ZNF563: variants seen among roughly 807,000 people sequenced by gnomAD.
ZNF563 encodes zinc finger protein 563.
In ZNF563, 39 loss-of-function variants were observed where a neutral mutation model predicts 48.5. The ratio of observed to expected loss-of-function variants is 0.80; its 90% CI spans 0.62 to 1.05. The LOEUF (loss-of-function observed/expected upper bound fraction) is 1.05. Among genes scored for constraint, ZNF563 ranks in the 50% least tolerant of loss-of-function variants. The pLI is 0.00. For missense variants in ZNF563, 538 were observed against 597.0 expected, an observed-to-expected ratio of 0.90 and a Z score of 1.03; for synonymous variants, 168 against 187.9, an observed-to-expected ratio of 0.89 and a Z score of 0.87.
rs77674971 is a variant in ZNF563 at position 12,333,345 on chromosome 19, C to A, written c.3+135G>T. ...CTCTGTGGCTGAGGGGACCGAGGGTCGAGCTGCGCCAGGGGGACTCGGGTC... is the reference window on the plus strand; with the variant it reads ...CTCTGTGGCTGAGGGGACCGAGGGTAGAGCTGCGCCAGGGGGACTCGGGTC... On this transcript the variant is annotated intron_variant, in intron 1 of 3. Transcript: ENST00000293725. The A allele has an allele frequency of 2.5e-4, 305 of 1,234,222 alleles. 3 individuals are homozygous for A. In the East Asian group the frequency reaches 7.1e-3, roughly 29 times the overall value. 76.5% of individuals were successfully genotyped at this position (1,234,222 alleles called of 1,614,324 possible). A position where few individuals can be genotyped will look rare whatever the true frequency, so the allele number is the denominator to read the frequency against.
intron 1 of ZNF563, among the ~76,000 whole-genome samples, chr19:12,323,964 G>A (rs1212056305): frequency 6.6e-6 from 1 of 152,152 alleles, no homozygotes; most frequent in African/African-American, 2.4e-5. Context: ...AAGGAAAGAA[G>A]GTCAATGAGA....
upstream of ZNF563, among the ~76,000 whole-genome samples, chr19:12,335,995 A>G (rs74515670): frequency 0.049 from 7,414 of 152,280 alleles, 598 homozygotes; most frequent in African/African-American, 0.17. Flanking sequence ...AATGTTCCCC[A>G]TGGCCTCTGT....
chr19:12,330,084 C>G (rs979226953), intron 1 of ZNF563, among the ~76,000 whole-genome samples: 1 of 152,050 alleles, frequency 6.6e-6, no homozygotes, highest in Admixed American at 6.6e-5. Context: ...CTAAGCCCAG[C>G]CAATTTTTGT....
rs1476625402 is a variant in ZNF563 at position 12,317,687 on chromosome 19, T to C, written c.*907A>G. On this transcript the variant is annotated 3_prime_UTR_variant, in exon 4 of 4. Coordinates refer to ENST00000293725, the MANE Select transcript of ZNF563 (RefSeq NM_145276.3). ...AATATGTCATTTTTAAAAAAGGACTTGGCATGTGTCGATTTATGTATGCCC... is the reference window on the plus strand; with the variant it reads ...AATATGTCATTTTTAAAAAAGGACTCGGCATGTGTCGATTTATGTATGCCC... The C allele has an allele frequency of 6.6e-6, 1 of 152,212 alleles. No individual in the cohort carries two copies. Among genetic ancestry groups the C allele is most frequent in the Admixed American group, 6.5e-5 (1 of 15,276 alleles). The allele number at this position is 152,212 out of a possible 1,614,324, so 9.4% of individuals were successfully genotyped here.
At chr19:12,341,832 A>T in the ZNF563 span, among the ~76,000 whole-genome samples, 8 of 152,164 alleles carry the variant, frequency 5.3e-5, no homozygotes, top group East Asian at 1.5e-3. Context: ...AAATGAAATA[A>T]CTTCAACAAC....
In ZNF563 at chr19:12,319,528, T is replaced by C. The variant is rs1330587751; in HGVS notation, c.497A>G (p.Lys166Arg). Residue 166 changes from lysine (K) to arginine (R), a missense_variant, in exon 4 of 4, where the codon AAG (lysine) becomes AGG (arginine). Lys to Arg is a conservative substitution (Grantham distance 26). Transcript: ENST00000293725. ...ACATTCCTTACACTCATAGCGTTTC[T>C]TTCCAGTGTGAGGCCTTCCACGCGA... ...FQSRGRPHTG[K>R]KRYECKECGK... 5 of 1,614,122 alleles carry C rather than the reference T, an allele frequency of 3.1e-6. No individual in the cohort carries two copies. The highest frequency in any genetic ancestry group is 4.2e-6 in the Non-Finnish European group (5 of 1,180,050).
At chr19:12,331,750 G>A (rs1968924042) in intron 1 of ZNF563, among the ~76,000 whole-genome samples, 1 of 152,202 alleles carries the variant, frequency 6.6e-6, no homozygotes, top group Non-Finnish European at 1.5e-5. Context: ...CAAGGCTGCT[G>A]TATCCACTTG....
the ZNF563 span, among the ~76,000 whole-genome samples, chr19:12,342,968 C>A: frequency 2.0e-5 from 3 of 150,830 alleles, no homozygotes; most frequent in African/African-American, 7.3e-5. Context: ...GAGGCCGAGG[C>A]GGGTGGATCA....
chr19:12,325,060 G>A (rs1968752478), intron 1 of ZNF563: 1 of 152,140 alleles, frequency 6.6e-6, no homozygotes, highest in African/African-American at 2.4e-5. Context: ...CAGAAGGTGT[G>A]AAATAAGGCT....
At position 12,318,709 on chromosome 19, in the gene ZNF563, T is replaced by G; in HGVS notation, c.1316A>C (p.His439Pro). 3 of 1,614,238 alleles carry G rather than the reference T, an allele frequency of 1.9e-6. No homozygotes were observed. The highest frequency in any genetic ancestry group is 2.5e-6 in the Non-Finnish European group (3 of 1,180,044). The change falls in exon 4 of 4, where the codon CAT (histidine) becomes CCT (proline). Residue 439 changes from histidine (H) to proline (P), a missense_variant. Transcript: ENST00000293725. Reference protein sequence around the residue: ...ALSHSSSFRRHMVMHTGDGPN... With the variant: ...ALSHSSSFRRPMVMHTGDGPN... ...CCCATCTCCCGTATGCATTACCATA[T>G]GTCTTCGAAAGCTTGAGCTATGAGA...
chr19:12,333,556 G>T lies in ZNF563; in HGVS notation c.-74C>A. On this transcript the variant is annotated 5_prime_UTR_variant, in exon 1 of 4. Transcript: ENST00000293725. ...CAGTGCGGGTCCCACTGTGACAGAGGCTGCCACAGACGTTCCAGGGCGTCT... is the reference window on the plus strand; with the variant it reads ...CAGTGCGGGTCCCACTGTGACAGAGTCTGCCACAGACGTTCCAGGGCGTCT... 1 of 1,594,074 alleles carries T rather than the reference G, an allele frequency of 6.3e-7. No homozygotes were observed. The highest frequency in any genetic ancestry group is 8.6e-7 in the Non-Finnish European group (1 of 1,166,140).
intron 1 of ZNF563, among the ~76,000 whole-genome samples, chr19:12,331,314 G>A (rs1968910792): frequency 6.6e-6 from 1 of 152,112 alleles, no homozygotes; most frequent in South Asian, 2.1e-4. Context: ...TGTCACCTGG[G>A]ACATCCCCCA....
chr19:12,346,325 AC>A, the ZNF563 span: 2 of 152,240 alleles, frequency 1.3e-5, no homozygotes, highest in African/African-American at 2.4e-5. Flanking sequence ...TAAACAACCA[AC>A]AAAAACAAAA....
At chr19:12,332,493 G>C (rs1968947653) in intron 1 of ZNF563, among the ~76,000 whole-genome samples, 2 of 152,004 alleles carry the variant, frequency 1.3e-5, no homozygotes, top group Non-Finnish European at 2.9e-5. Flanking sequence ...TGAGATTACA[G>C]GCATGTGACA....
intron 1 of ZNF563, among the ~76,000 whole-genome samples, chr19:12,330,028 C>T (rs1968885307): frequency 1.3e-5 from 2 of 151,862 alleles, no homozygotes; most frequent in African/African-American, 4.8e-5. Flanking sequence ...TCAAGCAATT[C>T]TCCTGCCTCA....
At chr19:12,345,448 T>A in the ZNF563 span, among the ~76,000 whole-genome samples, 47 of 152,164 alleles carry the variant, frequency 3.1e-4, no homozygotes, top group African/African-American at 1.1e-3. Context: ...GTGAAATGAT[T>A]TTTGACAACA....
the ZNF563 span, among the ~76,000 whole-genome samples, chr19:12,339,437 G>A: frequency 1.3e-5 from 2 of 151,790 alleles, no homozygotes; most frequent in Non-Finnish European, 1.5e-5. Flanking sequence ...CCGCCACTAC[G>A]CCCGGCTAAT....
At chr19:12,340,127 G>C in the ZNF563 span, among the ~76,000 whole-genome samples, 1 of 152,188 alleles carries the variant, frequency 6.6e-6, no homozygotes, top group Non-Finnish European at 1.5e-5. Context: ...TTGAGGTAAG[G>C]AGTTTCAGGT....
chr19:12,342,149 C>T, the ZNF563 span, among the ~76,000 whole-genome samples: 7,398 of 152,004 alleles, frequency 0.049, 600 homozygotes, highest in African/African-American at 0.17. Context: ...GTATTTGGGA[C>T]CACAGGCTGG....
Sources: gnomAD v4.1 joint callset for allele counts (sites outside exome capture counted in the v4.1 genomes callset) on GRCh38, gnomAD v4.1.1 for gene constraint, MANE v1.5 for transcripts, NCBI Gene and HGNC (gene_info 2026-07-23, HGNC 2026-07-21) for gene names.